GFOD1: variants seen among roughly 807,000 people sequenced by gnomAD.
GFOD1 encodes Gfo/Idh/MocA-like oxidoreductase domain containing 1.
Under a neutral mutation model 25.4 loss-of-function variants are expected in GFOD1, and 9 were observed. That is an observed-to-expected ratio of 0.35 (90% CI 0.21 to 0.62). GFOD1 has a LOEUF of 0.62. Among genes scored for constraint, GFOD1 ranks in the 20% least tolerant of loss-of-function variants. The probability of loss-of-function intolerance (pLI) is 0.72; values close to 1 mark genes in which losing one functional copy is unlikely to be tolerated. For missense variants in GFOD1, 403 were observed against 556.9 expected (o/e 0.72, Z 2.78); for synonymous variants, 253 against 245.6 (o/e 1.03, Z -0.28).
chr6:13,358,140 AT>A lies in GFOD1; in HGVS notation c.*6602del, dbSNP rs1359118786. 1 of 152,178 alleles carries A rather than the reference AT, an allele frequency of 6.6e-6. No homozygotes were observed. Among genetic ancestry groups the A allele is most frequent in the African/African-American group, 2.4e-5 (1 of 41,464 alleles). The allele number at this position is 152,178 out of a possible 1,614,324, so 9.4% of individuals were successfully genotyped here. On this transcript the variant is annotated 3_prime_UTR_variant, in exon 2 of 2. Transcript: ENST00000379287. ...TTTTTTTTCTTCTTTTTTTCCTTTA[AT>A]AATAAAAAAGAAAACCAAAACCTCC...
At chr6:13,376,408 T>C (rs1785258171) in intron 1 of GFOD1, among the ~76,000 whole-genome samples, 1 of 152,082 alleles carries the variant, frequency 6.6e-6, no homozygotes, top group East Asian at 1.9e-4. Context: ...AGAACAGCCA[T>C]TCTTGAGCCT....
At chr6:13,477,968 G>A (rs991086755) in intron 1 of GFOD1, among the ~76,000 whole-genome samples, 3 of 151,600 alleles carry the variant, frequency 2.0e-5, no homozygotes, top group African/African-American at 7.3e-5. Context: ...GGAGACTGAG[G>A]CACAACAATT....
chr6:13,373,776 C>A (rs779041606), intron 1 of GFOD1, among the ~76,000 whole-genome samples: 1 of 91,930 alleles, frequency 1.1e-5, no homozygotes, highest in South Asian at 3.5e-4. Flanking sequence ...ACACACACTA[C>A]GCTTTTTTTT....
At chr6:13,467,304 C>T (rs1017647975) in intron 1 of GFOD1, among the ~76,000 whole-genome samples, 3 of 152,120 alleles carry the variant, frequency 2.0e-5, no homozygotes, top group African/African-American at 7.2e-5. Flanking sequence ...ACTCTGGTGC[C>T]TGTGTTATAT....
chr6:13,360,468 C>T lies in GFOD1; in HGVS notation c.*4275G>A, dbSNP rs576900534. 32 of 346,820 alleles carry T rather than the reference C, an allele frequency of 9.2e-5. No individual in the cohort carries two copies. Among genetic ancestry groups the T allele is most frequent in the African/African-American group, 6.7e-4 (31 of 46,578 alleles). 21.5% of individuals were successfully genotyped at this position (346,820 alleles called of 1,614,324 possible). On this transcript the variant is annotated 3_prime_UTR_variant, in exon 2 of 2. Transcript: ENST00000379287. The stretch of plus-strand genomic sequence containing the variant: ...CAAACAAACGAACTTTAAAGCCCCA[C>T]TCCCTGAGAAAGGACATTTTCCTAC...
In GFOD1 at chr6:13,458,923, G is replaced by A. The variant is rs114440627; in HGVS notation, c.253+27715C>T. On this transcript the variant is annotated intron_variant, in intron 1 of 1. Coordinates refer to ENST00000379287, the MANE Select transcript of GFOD1 (RefSeq NM_018988.4). ...CTGTGTTTGTTTATCAAAGGCAGGT[G>A]GACAGCAAGAAGAAAGGCACATGCA... 8.5e-3 allele frequency among the ~76,000 whole-genome samples: 1,297 copies of A among 152,224 alleles called. 12 individuals carry two copies. The highest frequency in any genetic ancestry group is 0.03 in the African/African-American group (1,237 of 41,534).
chr6:13,363,585 G>GAA lies in GFOD1; in HGVS notation c.*1157_*1158insTT, dbSNP rs1175524123. 12 of 93,096 alleles carry GAA rather than the reference G, an allele frequency of 1.3e-4. No individual in the cohort carries two copies. The highest frequency in any genetic ancestry group is 5.4e-3 in the Middle Eastern group (1 of 186). The allele number at this position is 93,096 out of a possible 1,614,324, so 5.8% of individuals were successfully genotyped here. ...TTTTTTTTTTTTTTTTTTTTTTTTT[G>GAA]TAAGGAAAGAGGATTCTGATTGGAA... On this transcript the variant is annotated 3_prime_UTR_variant, in exon 2 of 2. Transcript: ENST00000379287.
chr6:13,407,921 ACT>A, intron 1 of GFOD1: 3 of 976,422 alleles, frequency 3.1e-6, no homozygotes, highest in Non-Finnish European at 3.6e-6. Context: ...CAACCAACTG[ACT>A]CTCGGAGATT....
At position 13,404,627 on chromosome 6, in the gene GFOD1, C is replaced by T. The variant is rs568021451; in HGVS notation, c.254-38965G>A. ...CCCAGCATCTCCCAGAACAGGAACTCGGTATGAGCTAACTGTTAGCCACGT... is the reference window on the plus strand; with the variant it reads ...CCCAGCATCTCCCAGAACAGGAACTTGGTATGAGCTAACTGTTAGCCACGT... On this transcript the variant is annotated intron_variant, in intron 1 of 1. Transcript: ENST00000379287. 5.3e-5 allele frequency among the ~76,000 whole-genome samples: 8 copies of T among 152,258 alleles called. No homozygotes were observed. In the South Asian group the frequency reaches 6.2e-4, roughly 12 times the overall value.
intron 1 of GFOD1, among the ~76,000 whole-genome samples, chr6:13,384,246 C>CTAAAA (rs1398834801): frequency 6.6e-6 from 1 of 152,176 alleles, no homozygotes; most frequent in Non-Finnish European, 1.5e-5. Flanking sequence ...CTAAACTAAA[C>CTAAAA]TAAACTAAAA....
chr6:13,360,218 C>T lies in GFOD1; in HGVS notation c.*4525G>A, dbSNP rs184739463. 6.3e-4 allele frequency: 103 copies of T among 162,290 alleles called. 1 individual carries two copies. The highest frequency in any genetic ancestry group is 1.9e-3 in the African/African-American group (80 of 41,594). The allele number at this position is 162,290 out of a possible 1,614,324, so 10.1% of individuals were successfully genotyped here. ...CTCTCTGTTATGTAAAACAAAAGGA[C>T]GGCTATTGGACTGTGAAGCCCCTTC... is the stretch of plus-strand genomic sequence containing the variant. On this transcript the variant is annotated 3_prime_UTR_variant, in exon 2 of 2. Coordinates refer to ENST00000379287, the MANE Select transcript of GFOD1 (RefSeq NM_018988.4).
intron 1 of GFOD1, among the ~76,000 whole-genome samples, chr6:13,378,484 T>A (rs1419096307): frequency 6.6e-6 from 1 of 152,238 alleles, no homozygotes; most frequent in East Asian, 1.9e-4. Flanking sequence ...GTGGCTCTTC[T>A]CTTTGAAGAC....
intron 1 of GFOD1, among the ~76,000 whole-genome samples, chr6:13,440,776 GA>G (rs1757902409): frequency 1.3e-5 from 2 of 152,304 alleles, no homozygotes; most frequent in African/African-American, 4.8e-5. Context: ...TTCACTTCAA[GA>G]AATGCAGAGC....
intron 1 of GFOD1, among the ~76,000 whole-genome samples, chr6:13,405,220 A>T (rs1213708882): frequency 6.6e-6 from 1 of 152,284 alleles, no homozygotes; most frequent in Admixed American, 6.5e-5. Context: ...AAAGTGCTAC[A>T]GTATTTTAAA....
intron 1 of GFOD1, chr6:13,470,085 T>C (rs756615687): frequency 3.0e-5 from 42 of 1,400,094 alleles, no homozygotes; most frequent in Non-Finnish European, 3.8e-5. Flanking sequence ...GGAATACAGA[T>C]GTTGAATTCG....
In GFOD1 at chr6:13,455,386, A is replaced by G. The variant is rs371607591; in HGVS notation, c.253+31252T>C. Among the ~76,000 whole-genome samples the G allele has an allele frequency of 1.6e-4, 25 of 152,324 alleles. No homozygotes were observed. The East Asian group carries it at 4.4e-3, about 27-fold the overall frequency. On this transcript the variant is annotated intron_variant, in intron 1 of 1. Transcript: ENST00000379287. ...TCTGGACTCACAGAAACTGTGGGGAATGGTCCCCAGCCGGGTGGCTACCAC... is the reference window on the plus strand; with the variant it reads ...TCTGGACTCACAGAAACTGTGGGGAGTGGTCCCCAGCCGGGTGGCTACCAC...
chr6:13,363,238 T>TGTGTGTGTGC lies in GFOD1; in HGVS notation c.*1504_*1505insGCACACACAC, dbSNP rs1554198475. 2.2e-4 allele frequency: 33 copies of TGTGTGTGTGC among 151,676 alleles called. No individual in the cohort carries two copies. The highest frequency in any genetic ancestry group is 7.3e-4 in the African/African-American group (30 of 41,292). 9.4% of individuals were successfully genotyped at this position (151,676 alleles called of 1,614,324 possible). On this transcript the variant is annotated 3_prime_UTR_variant, in exon 2 of 2. Transcript: ENST00000379287. Reference sequence around the variant, plus strand: ...GTGTGTGTGTGTGTGTGTGTGTGTGTGCACGTGCATGTGTGTGTGTGTCTG... The same window carrying TGTGTGTGTGC: ...GTGTGTGTGTGTGTGTGTGTGTGTGTGTGTGTGTGCGCACGTGCATGTGTGTGTGTGTCTG...
rs772572937 is a variant in GFOD1 at position 13,404,635 on chromosome 6, GCTAA to G, written c.254-38977_254-38974del. ...CTCCCAGAACAGGAACTCGGTATGA[GCTAA>G]CTGTTAGCCACGTTCTTAGCAAAAG... On this transcript the variant is annotated intron_variant, in intron 1 of 1. Coordinates refer to ENST00000379287, the MANE Select transcript of GFOD1 (RefSeq NM_018988.4). Among the ~76,000 whole-genome samples the G allele has an allele frequency of 7.9e-5, 12 of 152,320 alleles. No individual in the cohort carries two copies. The East Asian group carries it at 9.6e-4, about 12-fold the overall frequency.
rs185314220 is a variant in GFOD1, at chr6:13,396,506, C to T, written c.254-30844G>A. On this transcript the variant is annotated intron_variant, in intron 1 of 1. Coordinates refer to ENST00000379287, the MANE Select transcript of GFOD1 (RefSeq NM_018988.4). ...ATTCTGAGTCCTCCTGTGTGGCAGA[C>T]TGAATGTCGACATCCCGATCCCCAG... Among the ~76,000 whole-genome samples the T allele has an allele frequency of 1.0e-3, 157 of 152,312 alleles. 1 individual carries two copies. The highest frequency in any genetic ancestry group is 1.6e-4 in the Non-Finnish European group (11 of 68,028).
Sources: allele counts gnomAD v4.1 joint callset (sites outside exome capture counted in the v4.1 genomes callset), GRCh38; gene constraint gnomAD v4.1.1; transcripts MANE v1.5; gene names NCBI Gene and HGNC (gene_info 2026-07-23, HGNC 2026-07-21).